HEATR4: variants seen among roughly 807,000 people sequenced by gnomAD.
The protein encoded by HEATR4 is HEAT repeat-containing protein 4.
In HEATR4, 95 loss-of-function variants were observed where a neutral mutation model predicts 108.8. That is an observed-to-expected ratio of 0.87 (90% CI 0.74 to 1.04). The LOEUF (loss-of-function observed/expected upper bound fraction) is 1.04. HEATR4 is among the 50% of genes least tolerant of loss of function. The pLI is 0.00. For missense variants in HEATR4, 1,152 were observed against 1,253.8 expected (o/e 0.92, Z 1.23); for synonymous variants, 443 against 459.4 (o/e 0.96, Z 0.46).
At chr14:73,569,654 G>A in the HEATR4 span, 2 of 1,605,842 alleles carry the variant, frequency 1.2e-6, no homozygotes, top group African/African-American at 1.3e-5. Context: ...CGGGGCTTGA[G>A]CCCATGGGGC....
chr14:73,551,991 T>A lies in HEATR4; in HGVS notation c.-152+6760A>T, dbSNP rs1392406081. Reference sequence around the variant, plus strand: ...GCAGCTCACCCTCAGAGAAGAATCATGAGAAAGAGGCGAGCCTATAAAGTC... The same window carrying A: ...GCAGCTCACCCTCAGAGAAGAATCAAGAGAAAGAGGCGAGCCTATAAAGTC... On this transcript the variant is annotated intron_variant, in intron 1 of 17. Transcript: ENST00000553558. 8.0e-5 allele frequency among the ~76,000 whole-genome samples: 9 copies of A among 112,314 alleles called. No homozygotes were observed. The South Asian group carries it at 2.6e-3, about 33-fold the overall frequency. The allele number at this position is 112,314 out of a possible 152,430, so 73.7% of individuals were successfully genotyped here. A position where few individuals can be genotyped will look rare whatever the true frequency, so the allele number is the denominator to read the frequency against.
At chr14:73,589,464 T>G in the HEATR4 span, among the ~76,000 whole-genome samples, 1 of 152,046 alleles carries the variant, frequency 6.6e-6, no homozygotes, top group Admixed American at 6.6e-5. Context: ...AGACTACAGG[T>G]GCACATCACC....
At chr14:73,520,806 G>T (rs1458779512) in intron 4 of HEATR4, 46 bp downstream of exon 4, 3 of 1,539,310 alleles carry the variant, frequency 1.9e-6, no homozygotes, top group Non-Finnish European at 2.7e-6. Flanking sequence ...CACCTTCCTG[G>T]CCCATGTCCC....
At chr14:73,562,676 C>T (rs537692906), upstream of HEATR4, among the ~76,000 whole-genome samples, 103 of 152,016 alleles carry the variant, frequency 6.8e-4, 1 homozygote, top group South Asian at 8.3e-4. Context: ...GGTCTATAAA[C>T]GGCCGCTCTG....
the HEATR4 span, among the ~76,000 whole-genome samples, chr14:73,608,618 CTT>C: frequency 6.6e-6 from 1 of 152,206 alleles, no homozygotes; most frequent in Non-Finnish European, 1.5e-5. Flanking sequence ...TTCCTGTCTT[CTT>C]CTGAGCCCTC....
At chr14:73,489,228 A>T (rs7156875) in intron 17 of HEATR4, among the ~76,000 whole-genome samples, 15 of 151,810 alleles carry the variant, frequency 9.9e-5, no homozygotes, top group Non-Finnish European at 1.9e-4. Context: ...GACAACCCCT[A>T]GCCCCCTATA....
At chr14:73,503,092 CT>C in intron 10 of HEATR4, 79 bp from the exon 11 acceptor site, 10 of 1,104,868 alleles carry the variant, frequency 9.1e-6, no homozygotes, top group Non-Finnish European at 1.2e-5. Context: ...GTTTTTTCTT[CT>C]TTTTTTACTC....
chr14:73,593,130 GTCTCT>G, the HEATR4 span, among the ~76,000 whole-genome samples: 2 of 152,170 alleles, frequency 1.3e-5, no homozygotes, highest in Non-Finnish European at 2.9e-5. Flanking sequence ...TAGGCACACT[GTCTCT>G]TCTCCACTTC....
At position 73,498,348 on chromosome 14, in the gene HEATR4, C is replaced by T. The variant is rs201296147; in HGVS notation, c.2357-4G>A. The T allele has an allele frequency of 2.5e-6, 4 of 1,588,644 alleles. No individual in the cohort carries two copies. The highest frequency in any genetic ancestry group is 3.4e-6 in the Non-Finnish European group (4 of 1,162,452). ...ACTTGCCCAATCTGTCCCAAAGCTG[C>T]AGAGATTAGAGGGCAGCATGTCACT... On this transcript the variant is annotated splice_region_variant and splice_polypyrimidine_tract_variant and intron_variant, in intron 13 of 17. Transcript: ENST00000553558.
In HEATR4 at chr14:73,557,970, T is replaced by C. The variant is rs2019554; in HGVS notation, c.-152+781A>G. Among the ~76,000 whole-genome samples the C allele has an allele frequency of 4.8e-3, 388 of 80,170 alleles. 73 individuals carry two copies. The highest frequency in any genetic ancestry group is 0.041 in the East Asian group (119 of 2,920). 52.6% of individuals were successfully genotyped at this position (80,170 alleles called of 152,430 possible). ...TTGGCCTCCAGAAATGCTGGGACTA[T>C]GCCTGGAATAGATATGGGTAAAGAA... On this transcript the variant is annotated intron_variant, in intron 1 of 17. Coordinates refer to ENST00000553558, the MANE Select transcript of HEATR4 (RefSeq NM_001220484.1).
the HEATR4 span, among the ~76,000 whole-genome samples, chr14:73,578,597 G>A: frequency 6.6e-5 from 10 of 152,106 alleles, no homozygotes; most frequent in East Asian, 3.9e-4. Context: ...AGCTGTGAAC[G>A]TGGTGAAACA....
the HEATR4 span, chr14:73,580,969 G>A: frequency 6.6e-6 from 1 of 152,040 alleles, no homozygotes; most frequent in South Asian, 2.1e-4. Context: ...AACCTGCTTA[G>A]TTACACTCCC....
the HEATR4 span, among the ~76,000 whole-genome samples, chr14:73,623,702 C>T: frequency 1.3e-5 from 2 of 151,964 alleles, no homozygotes; most frequent in Admixed American, 1.3e-4. Context: ...ATTTGCATCC[C>T]AATGTTGGAG....
At chr14:73,621,643 T>G in the HEATR4 span, among the ~76,000 whole-genome samples, 8 of 152,300 alleles carry the variant, frequency 5.3e-5, no homozygotes, top group South Asian at 1.2e-3. Flanking sequence ...TCCAAGCAAG[T>G]GCCCATTAGA....
chr14:73,526,676 G>T (rs745514177), intron 2 of HEATR4, among the ~76,000 whole-genome samples: 1 of 152,188 alleles, frequency 6.6e-6, no homozygotes, highest in Non-Finnish European at 1.5e-5. Context: ...TACATTTCCA[G>T]ACCTACCCTG....
the HEATR4 span, chr14:73,592,400 G>A: frequency 6.5e-7 from 1 of 1,534,386 alleles, no homozygotes; most frequent in East Asian, 2.4e-5. Flanking sequence ...TGCGCGCCAC[G>A]CTCTTCCTGC....
chr14:73,633,554 A>G, the HEATR4 span: 2 of 152,202 alleles, frequency 1.3e-5, no homozygotes, highest in Non-Finnish European at 2.9e-5. Context: ...GAGGAAAGGA[A>G]TTTGTTAGGA....
At chr14:73,614,549 G>A in the HEATR4 span, among the ~76,000 whole-genome samples, 1 of 151,468 alleles carries the variant, frequency 6.6e-6, no homozygotes, top group South Asian at 2.1e-4. Context: ...AGACTAGCCT[G>A]GCCAACATGG....
chr14:73,491,618 C>T (rs983359036), intron 17 of HEATR4: 1 of 1,547,316 alleles, frequency 6.5e-7, no homozygotes, highest in Non-Finnish European at 8.7e-7. Context: ...CAGCCGGCGG[C>T]GAGCGGCCCG....
Sources: gnomAD v4.1 joint callset for allele counts (sites outside exome capture counted in the v4.1 genomes callset) on GRCh38, gnomAD v4.1.1 for gene constraint, MANE v1.5 for transcripts, NCBI Gene and HGNC (gene_info 2026-07-23, HGNC 2026-07-21) for gene names.